MTBP: variants seen among roughly 807,000 people sequenced by gnomAD.
MTBP encodes the protein MDM2 binding protein.
Under a neutral mutation model 117.0 loss-of-function variants are expected in MTBP, and 101 were observed. That is an observed-to-expected ratio of 0.86 (90% CI 0.73 to 1.02). The LOEUF is 1.02. Ranked by LOEUF, MTBP falls within the 50% of genes least tolerant of loss-of-function variation. MTBP has a pLI of 0.00. For missense variants in MTBP, 970 were observed against 1,030.9 expected (o/e 0.94, Z 0.81); for synonymous variants, 350 against 351.5 (o/e 1.00, Z 0.05).
At chr8:120,458,864 A>G (rs1246408233) in intron 7 of MTBP, among the ~76,000 whole-genome samples, 5 of 140,962 alleles carry the variant, frequency 3.5e-5, no homozygotes, top group East Asian at 2.1e-4. Context: ...AAAAAAAAAA[A>G]GGAACAAGAC....
chr8:120,499,254 G>C (rs1814531783), intron 14 of MTBP, among the ~76,000 whole-genome samples: 1 of 152,088 alleles, frequency 6.6e-6, no homozygotes, highest in Non-Finnish European at 1.5e-5. Context: ...TCCTTTGCCT[G>C]GAATTCTTTT....
At chr8:120,463,562 A>C (rs1479330385) in intron 9 of MTBP, 130 bp from the exon 10 acceptor site, 2 of 666,158 alleles carry the variant, frequency 3.0e-6, no homozygotes, top group Non-Finnish European at 5.0e-6. Context: ...GTAATTGTTA[A>C]CTGCTACAGT....
chr8:120,477,648 A>C (rs1025322156), intron 11 of MTBP, among the ~76,000 whole-genome samples: 3 of 152,118 alleles, frequency 2.0e-5, no homozygotes, highest in African/African-American at 7.2e-5. Context: ...AAACATATGA[A>C]AAAAAGCTTA....
chr8:120,518,683 ATATGT>A lies in MTBP; in HGVS notation c.2497-14_2497-10del. On this transcript the variant is annotated splice_polypyrimidine_tract_variant and intron_variant, in intron 19 of 21. Transcript: ENST00000305949. ...GTGCCTTTTCCAAGAAATATTCGTC[ATATGT>A]TATGTTCTGTTCAAGATACTGAAAG... 1.3e-6 allele frequency: 2 copies of A among 1,489,068 alleles called. No homozygotes were observed. Among genetic ancestry groups the A allele is most frequent in the Non-Finnish European group, 1.8e-6 (2 of 1,083,542 alleles). 92.2% of individuals were successfully genotyped at this position (1,489,068 alleles called of 1,614,324 possible). A position where few individuals can be genotyped will look rare whatever the true frequency, so the allele number is the denominator to read the frequency against.
At chr8:120,488,544 C>G (rs1814268668) in intron 12 of MTBP, among the ~76,000 whole-genome samples, 1 of 152,048 alleles carries the variant, frequency 6.6e-6, no homozygotes, top group Non-Finnish European at 1.5e-5. Context: ...TACATTATAC[C>G]TAGTAAAGTT....
chr8:120,506,710 G>T lies in MTBP; in HGVS notation c.1732G>T (p.Gly578Cys). Residue 578 changes from glycine to cysteine, a missense_variant, in exon 16 of 22, where the codon GGT becomes TGT. Coordinates refer to ENST00000305949, the MANE Select transcript of MTBP (RefSeq NM_022045.5). Reference sequence around the variant, plus strand: ...TGCATAACATTATTTTCCCAGAACTGGTTCATTACCTCATTCATCTGAACA... The same window carrying T: ...TGCATAACATTATTTTCCCAGAACTTGTTCATTACCTCATTCATCTGAACA... ...FEKTKQKMRT[G>C]SLPHSSEQLL... is the part of the protein sequence containing the mutation. 2 of 1,595,526 alleles carry T rather than the reference G, an allele frequency of 1.3e-6. No individual in the cohort carries two copies. The highest frequency in any genetic ancestry group is 1.1e-5 in the South Asian group (1 of 87,560).
chr8:120,507,099 C>T (rs1425849060), intron 16 of MTBP, among the ~76,000 whole-genome samples: 8 of 151,984 alleles, frequency 5.3e-5, no homozygotes, highest in Admixed American at 5.2e-4. Context: ...ACCATATTCC[C>T]TGTAGAAGTC....
At chr8:120,477,902 G>A (rs149237795) in intron 11 of MTBP, among the ~76,000 whole-genome samples, 1 of 151,974 alleles carries the variant, frequency 6.6e-6, no homozygotes, top group Non-Finnish European at 1.5e-5. Context: ...CCCATTACTG[G>A]GCATATACCC....
intron 20 of MTBP, among the ~76,000 whole-genome samples, chr8:120,521,329 AATAC>A (rs1815004305): frequency 1.3e-5 from 2 of 152,196 alleles, no homozygotes; most frequent in Admixed American, 1.3e-4. Context: ...TTATAACCAT[AATAC>A]ATTAATTAGC....
rs1166401469 is a variant in MTBP, at chr8:120,515,989, C to G, written c.2044C>G (p.Leu682Val). Residue 682 changes from leucine (L) to valine (V), a missense_variant, in exon 18 of 22, where the codon CTT (leucine) becomes GTT (valine). Coordinates refer to ENST00000305949, the MANE Select transcript of MTBP (RefSeq NM_022045.5). ...DGGFSELQSR[L>V]IRYETQTTCT... ...AGGATTTTCTGAACTTCAGTCTCGT[C>G]TTATTCGTTATGAAACTCAAACTAC... The G allele has an allele frequency of 6.2e-7, 1 of 1,612,866 alleles. No homozygotes were observed. The highest frequency in any genetic ancestry group is 8.5e-7 in the Non-Finnish European group (1 of 1,179,230).
At chr8:120,513,551 C>T (rs972215818) in intron 17 of MTBP, among the ~76,000 whole-genome samples, 28 of 151,944 alleles carry the variant, frequency 1.8e-4, no homozygotes, top group Admixed American at 7.2e-4. Flanking sequence ...TTTTAAATGG[C>T]AATTAACATC....
intron 17 of MTBP, among the ~76,000 whole-genome samples, chr8:120,515,178 A>C (rs1329028036): frequency 5.3e-5 from 8 of 152,070 alleles, no homozygotes; most frequent in Non-Finnish European, 4.4e-5. Flanking sequence ...ACCATCACAT[A>C]TGTGAAGCCA....
intron 7 of MTBP, among the ~76,000 whole-genome samples, chr8:120,457,554 A>G (rs537394853): frequency 2.0e-5 from 3 of 152,228 alleles, no homozygotes; most frequent in South Asian, 2.1e-4. Context: ...GTTGATTTGC[A>G]TGTTTGCTCA....
At chr8:120,467,251 G>C (rs1462781525) in intron 10 of MTBP, among the ~76,000 whole-genome samples, 1 of 152,182 alleles carries the variant, frequency 6.6e-6, no homozygotes, top group African/African-American at 2.4e-5. Context: ...AGAGGAATTT[G>C]CAAGCTAGAA....
intron 2 of MTBP, 57 bp downstream of exon 2, chr8:120,446,570 TAATTA>T (rs1334953415): frequency 1.9e-6 from 2 of 1,075,940 alleles, no homozygotes; most frequent in African/African-American, 1.6e-5. Context: ...GAAATTAACT[TAATTA>T]ATTTGGACCC....
intron 8 of MTBP, among the ~76,000 whole-genome samples, chr8:120,459,592 C>T (rs997705039): frequency 1.3e-5 from 2 of 151,988 alleles, no homozygotes; most frequent in Non-Finnish European, 2.9e-5. Context: ...CTGAAACCAC[C>T]TTTGGTTTGG....
Position 120,506,706 on chromosome 8 carries a change from A to C in MTBP, c.1728A>C (p.Arg576Ser). ...ETFEKTKQKM[R>S]TGSLPHSSEQ... ...AATCTGCATAACATTATTTTCCCAGAACTGGTTCATTACCTCATTCATCTG... is the reference window on the plus strand; with the variant it reads ...AATCTGCATAACATTATTTTCCCAGCACTGGTTCATTACCTCATTCATCTG... The change falls in exon 16 of 22, where the codon AGA becomes AGC. Residue 576 changes from arginine to serine, a missense_variant and splice_region_variant. Physicochemically the swap from Arg to Ser is moderately radical, Grantham distance 110 (BLOSUM62 -1). Transcript: ENST00000305949. 1 of 1,597,206 alleles carries C rather than the reference A, an allele frequency of 6.3e-7. No individual in the cohort carries two copies. The highest frequency in any genetic ancestry group is 8.5e-7 in the Non-Finnish European group (1 of 1,174,168).
intron 11 of MTBP, among the ~76,000 whole-genome samples, chr8:120,479,502 C>T (rs1814025546): frequency 6.6e-6 from 1 of 152,210 alleles, no homozygotes; most frequent in Non-Finnish European, 1.5e-5. Context: ...AGTAACTTGA[C>T]TACCAACCTT....
At chr8:120,495,545 T>C (rs1206036234) in intron 13 of MTBP, among the ~76,000 whole-genome samples, 1 of 151,874 alleles carries the variant, frequency 6.6e-6, no homozygotes, top group Non-Finnish European at 1.5e-5. Flanking sequence ...CCTCCCATTC[T>C]CTCTCTCTCT....
Sources: allele counts gnomAD v4.1 joint callset (sites outside exome capture counted in the v4.1 genomes callset), GRCh38; gene constraint gnomAD v4.1.1; transcripts MANE v1.5; gene names NCBI Gene and HGNC (gene_info 2026-07-23, HGNC 2026-07-21).